OSBPL5: variants seen among roughly 807,000 people sequenced by gnomAD.
OSBPL5 encodes oxysterol-binding protein-related protein 5.
Under a neutral mutation model 111.2 loss-of-function variants are expected in OSBPL5, and 71 were observed. The ratio of observed to expected loss-of-function variants is 0.64; its 90% CI spans 0.53 to 0.78. The LOEUF (loss-of-function observed/expected upper bound fraction) is 0.78, where lower values mean the gene tolerates loss of function less well. Ranked by LOEUF, OSBPL5 falls within the 30% of genes least tolerant of loss-of-function variation. The pLI is 0.00. For missense variants in OSBPL5, 1,210 were observed against 1,189.3 expected (o/e 1.02, Z -0.26); for synonymous variants, 549 against 513.9 (o/e 1.07, Z -0.93).
chr11:3,140,621 G>A lies in OSBPL5; in HGVS notation c.-21-11452C>T, dbSNP rs150557144. Among the ~76,000 whole-genome samples the A allele has an allele frequency of 1.6e-3, 237 of 152,282 alleles. 2 individuals carry two copies. In the East Asian group the frequency reaches 0.018, roughly 12 times the overall value. On this transcript the variant is annotated intron_variant, in intron 1 of 21. Coordinates refer to ENST00000263650, the MANE Select transcript of OSBPL5 (RefSeq NM_020896.4). This position sits in a 1 kb window ranked among gnomAD's most constrained non-coding sequence, Gnocchi z 4.5. ...CACCCAAGTACATGCTGCCCCACCAGTGGACAGGCATCGTCGTCCCGGCTC... is the reference window on the plus strand; with the variant it reads ...CACCCAAGTACATGCTGCCCCACCAATGGACAGGCATCGTCGTCCCGGCTC...
At chr11:3,091,352 G>A (rs148030470) in intron 19 of OSBPL5, among the ~76,000 whole-genome samples, 30 of 152,326 alleles carry the variant, frequency 2.0e-4, no homozygotes, top group Admixed American at 3.3e-4. Context: ...GCTCTGCATT[G>A]GGTGTGGTCA....
At chr11:3,158,462 C>T (rs1043790119) in intron 1 of OSBPL5, among the ~76,000 whole-genome samples, 5 of 152,238 alleles carry the variant, frequency 3.3e-5, no homozygotes, top group African/African-American at 1.2e-4. Context: ...CTGTCCTGGC[C>T]CCAGGATGTG....
intron 7 of OSBPL5, among the ~76,000 whole-genome samples, chr11:3,116,039 T>G (rs1858196477): frequency 6.6e-6 from 1 of 152,154 alleles, no homozygotes; most frequent in South Asian, 2.1e-4. Context: ...ACCTAATCCT[T>G]GAAGATATTA....
Position 3,107,532 on chromosome 11 carries a change from G to T in OSBPL5, c.867-77C>A, listed in dbSNP as rs576009868. 1 of 1,513,102 alleles carries T rather than the reference G, an allele frequency of 6.6e-7. No individual in the cohort carries two copies. The highest frequency in any genetic ancestry group is 1.4e-5 in the African/African-American group (1 of 72,306). The allele number at this position is 1,513,102 out of a possible 1,614,324, so 93.7% of individuals were successfully genotyped here. Reference sequence around the variant, plus strand: ...CAGCCCTCTGGGCTGCCCACCCCTCGCTGCTCCGCACTTCACATACGTTCC... The same window carrying T: ...CAGCCCTCTGGGCTGCCCACCCCTCTCTGCTCCGCACTTCACATACGTTCC... On this transcript the variant is annotated intron_variant, in intron 8 of 21. Coordinates refer to ENST00000263650, the MANE Select transcript of OSBPL5 (RefSeq NM_020896.4). The surrounding 1 kb of genome is among the most constrained non-coding windows in gnomAD (Gnocchi z 6.1).
At chr11:3,135,178 C>T (rs1300601040) in intron 1 of OSBPL5, among the ~76,000 whole-genome samples, 1 of 152,216 alleles carries the variant, frequency 6.6e-6, no homozygotes, top group Non-Finnish European at 1.5e-5. Flanking sequence ...TTCGCTTTGG[C>T]CTGGGTGGGT....
At chr11:3,125,700 G>C (rs1315185629) in intron 3 of OSBPL5, among the ~76,000 whole-genome samples, 2 of 151,968 alleles carry the variant, frequency 1.3e-5, no homozygotes, top group Admixed American at 6.6e-5. Context: ...AGCTACTCGG[G>C]AGGCTGAGGC....
At chr11:3,093,448 C>A in intron 17 of OSBPL5, 79 bp downstream of exon 17, 1 of 1,564,342 alleles carries the variant, frequency 6.4e-7, no homozygotes, top group Non-Finnish European at 8.6e-7. Context: ...ATGCTCACAG[C>A]ACTGTAGCCC....
At chr11:3,129,437 C>G (rs561380195) in intron 1 of OSBPL5, 2 of 253,404 alleles carry the variant, frequency 7.9e-6, no homozygotes, top group African/African-American at 2.2e-5. Flanking sequence ...TCACCACCCT[C>G]GGAAGATGTC....
At position 3,092,310 on chromosome 11, in the gene OSBPL5, G is replaced by A; in HGVS notation, c.2259+122C>T. On this transcript the variant is annotated intron_variant, in intron 19 of 21. Coordinates refer to ENST00000263650, the MANE Select transcript of OSBPL5 (RefSeq NM_020896.4). This position sits in a 1 kb window ranked among gnomAD's most constrained non-coding sequence, Gnocchi z 5.4. ...AGAAGGAAAGGGGACGAGGGGGCTGGGGGATGAGGGCGTGAGGGAAACGGA... is the reference window on the plus strand; with the variant it reads ...AGAAGGAAAGGGGACGAGGGGGCTGAGGGATGAGGGCGTGAGGGAAACGGA... The A allele has an allele frequency of 7.6e-7, 1 of 1,313,838 alleles. No individual in the cohort carries two copies. The highest frequency in any genetic ancestry group is 2.6e-5 in the East Asian group (1 of 38,296). 81.4% of individuals were successfully genotyped at this position (1,313,838 alleles called of 1,614,324 possible).
chr11:3,159,388 T>C (rs919173581), intron 1 of OSBPL5, among the ~76,000 whole-genome samples: 1 of 152,126 alleles, frequency 6.6e-6, no homozygotes, highest in Non-Finnish European at 1.5e-5. Flanking sequence ...TGCTCGCTGG[T>C]AGGGAGTGTG....
At chr11:3,133,232 A>G (rs1371376320) in intron 1 of OSBPL5, among the ~76,000 whole-genome samples, 1 of 152,214 alleles carries the variant, frequency 6.6e-6, no homozygotes, top group Non-Finnish European at 1.5e-5. Context: ...ACTTTCATCC[A>G]CTGCAGTGAA....
chr11:3,102,803 C>CTCGGTAGTA, intron 11 of OSBPL5, among the ~76,000 whole-genome samples: 1 of 152,300 alleles, frequency 6.6e-6, no homozygotes, highest in Middle Eastern at 3.4e-3. Context: ...CTCACTACAA[C>CTCGGTAGTA]GAGAGCAGCC....
At position 3,165,263 on chromosome 11, in the gene OSBPL5, G is replaced by A. The variant is rs2134580410; in HGVS notation, c.-69C>T. On this transcript the variant is annotated 5_prime_UTR_variant, in exon 1 of 22. Coordinates refer to ENST00000263650, the MANE Select transcript of OSBPL5 (RefSeq NM_020896.4). The surrounding 1 kb of genome is among the most constrained non-coding windows in gnomAD (Gnocchi z 7.4). ...GTGCTCCGGGCCGGCCGGGCGCGCG[G>A]GGGCTCCACTGGCGGCGCGGGCCTG... 6.6e-6 allele frequency: 1 copy of A among 151,428 alleles called. No individual in the cohort carries two copies. Among genetic ancestry groups the A allele is most frequent in the Middle Eastern group, 3.4e-3 (1 of 292 alleles). The allele number at this position is 151,428 out of a possible 1,614,324, so 9.4% of individuals were successfully genotyped here.
chr11:3,151,390 G>A (rs1051413826), intron 1 of OSBPL5, among the ~76,000 whole-genome samples: 16 of 152,218 alleles, frequency 1.1e-4, no homozygotes, highest in Middle Eastern at 3.4e-3. Flanking sequence ...AGGTGTGAAC[G>A]CCTCTTCCTC....
At position 3,130,199 on chromosome 11, in the gene OSBPL5, C is replaced by A. The variant is rs905704032; in HGVS notation, c.-21-1030G>T. On this transcript the variant is annotated intron_variant, in intron 1 of 21. Coordinates refer to ENST00000263650, the MANE Select transcript of OSBPL5 (RefSeq NM_020896.4). This position sits in a 1 kb window ranked among gnomAD's most constrained non-coding sequence, Gnocchi z 4.5. ...GGAGTGGAAGGCCTCGACCTGTAAT[C>A]GTGACCTGACAAGGGTTGGCAGAGC... 6.6e-6 allele frequency among the ~76,000 whole-genome samples: 1 copy of A among 152,358 alleles called. No homozygotes were observed. Among genetic ancestry groups the A allele is most frequent in the East Asian group, 1.9e-4 (1 of 5,176 alleles).
intron 5 of OSBPL5, among the ~76,000 whole-genome samples, chr11:3,120,980 G>A (rs561318313): frequency 5.7e-4 from 87 of 152,272 alleles, no homozygotes; most frequent in African/African-American, 1.8e-3. Context: ...TGAGGGTCAC[G>A]TGGGTCAAGT....
intron 1 of OSBPL5, among the ~76,000 whole-genome samples, chr11:3,155,315 G>C (rs976125284): frequency 6.6e-6 from 1 of 152,208 alleles, no homozygotes; most frequent in African/African-American, 2.4e-5. Flanking sequence ...CCCTCTCCAG[G>C]AATAATGTCC....
intron 7 of OSBPL5, among the ~76,000 whole-genome samples, chr11:3,118,156 A>T (rs1391222506): frequency 6.6e-6 from 1 of 152,234 alleles, no homozygotes; most frequent in African/African-American, 2.4e-5. Context: ...ATTTTTAAAA[A>T]GGGGGGAAAT....
intron 3 of OSBPL5, among the ~76,000 whole-genome samples, chr11:3,125,278 G>A (rs886725267): frequency 7.2e-5 from 11 of 152,276 alleles, no homozygotes; most frequent in South Asian, 2.1e-4. Context: ...GGAAGTAGTC[G>A]CAAATCATGT....
Sources: gnomAD v4.1 joint callset for allele counts (sites outside exome capture counted in the v4.1 genomes callset) on GRCh38, gnomAD v4.1.1 for gene constraint, Gnocchi (gnomAD v3.1) non-coding constraint, MANE v1.5 for transcripts, NCBI Gene and HGNC (gene_info 2026-07-23, HGNC 2026-07-21) for gene names.